ARHGAP25: variants seen among roughly 807,000 people sequenced by gnomAD.
ARHGAP25 encodes the protein Rho GTPase activating protein 25.
In ARHGAP25, 34 loss-of-function variants were observed where a neutral mutation model predicts 71.0. That is an observed-to-expected ratio of 0.48 (90% CI 0.36 to 0.64). The LOEUF (loss-of-function observed/expected upper bound fraction) is 0.64, where lower values mean the gene tolerates loss of function less well. Ranked by LOEUF, ARHGAP25 falls within the 30% of genes least tolerant of loss-of-function variation. The pLI is 0.00. For synonymous variants in ARHGAP25, 282 were observed against 296.5 expected, an observed-to-expected ratio of 0.95 and a Z score of 0.50; for missense variants, 706 against 805.1, an observed-to-expected ratio of 0.88 and a Z score of 1.49.
intron 10 of ARHGAP25, 139 bp downstream of exon 10, chr2:68,823,011 A>G (rs975979001): frequency 2.3e-6 from 2 of 886,246 alleles, no homozygotes; most frequent in African/African-American, 3.4e-5. Flanking sequence ...GCCTAGAAAG[A>G]AAAGAGTAAA....
At chr2:68,747,743 A>G (rs1392580866) in intron 1 of ARHGAP25, among the ~76,000 whole-genome samples, 1 of 152,032 alleles carries the variant, frequency 6.6e-6, no homozygotes, top group Non-Finnish European at 1.5e-5. Context: ...AGGCTCTACT[A>G]TTCACCGAGT....
chr2:68,761,670 G>A (rs1259815744), intron 1 of ARHGAP25, among the ~76,000 whole-genome samples: 6 of 152,022 alleles, frequency 3.9e-5, no homozygotes, highest in South Asian at 2.1e-4. Flanking sequence ...AATGCAACAC[G>A]AACTACAGCG....
chr2:68,777,861 A>G (rs1678032076), intron 2 of ARHGAP25, among the ~76,000 whole-genome samples: 1 of 152,198 alleles, frequency 6.6e-6, no homozygotes, highest in Admixed American at 6.5e-5. Flanking sequence ...AGTAAGAAAT[A>G]GCCACCTATA....
At chr2:68,815,718 T>G (rs1341788019) in intron 6 of ARHGAP25, among the ~76,000 whole-genome samples, 1 of 152,046 alleles carries the variant, frequency 6.6e-6, no homozygotes, top group Non-Finnish European at 1.5e-5. Context: ...CTGTCCCTCT[T>G]CTCTCCAGCA....
chr2:68,807,202 C>G, intron 4 of ARHGAP25, 71 bp from the exon 5 acceptor site: 1 of 1,512,842 alleles, frequency 6.6e-7, no homozygotes, highest in Non-Finnish European at 9.1e-7. Flanking sequence ...ACAGGTGACA[C>G]AGAAAGTCAA....
At chr2:68,717,506 G>C (rs560382488) in intron 2 of ARHGAP25, among the ~76,000 whole-genome samples, 2 of 152,288 alleles carry the variant, frequency 1.3e-5, no homozygotes, top group African/African-American at 2.4e-5. Context: ...CTTAATCACA[G>C]CCTCTGACAG....
At chr2:68,717,386 T>C (rs1355780425) in intron 2 of ARHGAP25, among the ~76,000 whole-genome samples, 1 of 152,154 alleles carries the variant, frequency 6.6e-6, no homozygotes, top group East Asian at 1.9e-4. Flanking sequence ...GGGAGAAGCA[T>C]TGTGATCTGG....
intron 4 of ARHGAP25, among the ~76,000 whole-genome samples, chr2:68,788,329 T>C (rs1678905625): frequency 6.6e-6 from 1 of 152,210 alleles, no homozygotes; most frequent in African/African-American, 2.4e-5. Context: ...CCAGCAGCAC[T>C]GGCTCATGCA....
chr2:68,786,982 A>G (rs749463080), intron 3 of ARHGAP25, among the ~76,000 whole-genome samples: 109 of 152,350 alleles, frequency 7.2e-4, no homozygotes, highest in Non-Finnish European at 1.5e-3. Context: ...GAGGATTTCC[A>G]TTTGCAAGCA....
chr2:68,821,906 G>GTTTTTTTTTTTTTTT (rs59964574), intron 9 of ARHGAP25, among the ~76,000 whole-genome samples: 4 of 81,646 alleles, frequency 4.9e-5, no homozygotes, highest in East Asian at 3.8e-4. Flanking sequence ...CTTTTTGCTA[G>GTTTTTTTTTTTTTTT]TTTTTTTTTT....
chr2:68,723,928 G>A (rs989484203), intron 2 of ARHGAP25, among the ~76,000 whole-genome samples: 1 of 152,088 alleles, frequency 6.6e-6, no homozygotes, highest in South Asian at 2.1e-4. Flanking sequence ...TTGCTGGGGT[G>A]CAGTGGCACC....
At position 68,751,836 on chromosome 2, in the gene ARHGAP25, A is replaced by G. The variant is rs186370293; in HGVS notation, c.61+16576A>G. ...GACAGCTAACCGGGAAAATCCTAGA[A>G]TGGCCTGCTGAAGGCTGGTCCTGGC... is the stretch of plus-strand genomic sequence containing the variant. On this transcript the variant is annotated intron_variant, in intron 1 of 10. Transcript: ENST00000409202. 7.4e-4 allele frequency among the ~76,000 whole-genome samples: 113 copies of G among 152,330 alleles called. 1 individual carries two copies. The highest frequency in any genetic ancestry group is 7.3e-3 in the Admixed American group (111 of 15,300).
At chr2:68,823,595 G>A (rs1240338111) in intron 10 of ARHGAP25, among the ~76,000 whole-genome samples, 6 of 152,232 alleles carry the variant, frequency 3.9e-5, no homozygotes, top group African/African-American at 1.4e-4. Flanking sequence ...AGTGGAAGCT[G>A]CCTGGGGCCA....
chr2:68,769,077 G>T (rs1201026329), intron 1 of ARHGAP25, among the ~76,000 whole-genome samples: 1 of 152,124 alleles, frequency 6.6e-6, no homozygotes, highest in South Asian at 2.1e-4. Flanking sequence ...TCAGCAGGGG[G>T]CTGAGTCCTC....
intron 5 of ARHGAP25, among the ~76,000 whole-genome samples, chr2:68,808,291 T>G (rs13000568): frequency 0.34 from 51,687 of 152,108 alleles, 9,270 homozygotes; most frequent in South Asian, 0.45. Context: ...AAGATGGGCC[T>G]GAACTCTACC....
intron 2 of ARHGAP25, among the ~76,000 whole-genome samples, chr2:68,776,155 CCTGG>C (rs1677895049): frequency 1.3e-5 from 2 of 152,048 alleles, no homozygotes; most frequent in South Asian, 4.1e-4. Flanking sequence ...GCATGTCTGG[CCTGG>C]CTGCGGAATA....
At chr2:68,773,475 G>T (rs535752251) in intron 1 of ARHGAP25, among the ~76,000 whole-genome samples, 2 of 152,270 alleles carry the variant, frequency 1.3e-5, no homozygotes, top group South Asian at 4.1e-4. Context: ...ATAAATATGG[G>T]AATAATAGGC....
intron 1 of ARHGAP25, among the ~76,000 whole-genome samples, chr2:68,760,109 A>G (rs931989393): frequency 1.3e-5 from 2 of 152,102 alleles, no homozygotes; most frequent in Non-Finnish European, 2.9e-5. Flanking sequence ...ATCTCAAATG[A>G]TAGTCATGTA....
intron 2 of ARHGAP25, among the ~76,000 whole-genome samples, chr2:68,721,922 G>T (rs1440222530): frequency 1.3e-5 from 2 of 152,160 alleles, no homozygotes; most frequent in Non-Finnish European, 2.9e-5. Context: ...CTCACCCAGT[G>T]TGTCCAAGCT....
Sources: gnomAD v4.1 joint callset for allele counts (sites outside exome capture counted in the v4.1 genomes callset) on GRCh38, gnomAD v4.1.1 for gene constraint, MANE v1.5 for transcripts, NCBI Gene and HGNC (gene_info 2026-07-23, HGNC 2026-07-21) for gene names.